CNTNAP2: variants seen among roughly 807,000 people sequenced by gnomAD.
CNTNAP2 encodes the protein contactin-associated protein-like 2.
Under a neutral mutation model 155.2 loss-of-function variants are expected in CNTNAP2, and 98 were observed. The ratio of observed to expected loss-of-function variants is 0.63; its 90% CI spans 0.54 to 0.75. The LOEUF is 0.75. CNTNAP2 is among the 30% of genes least tolerant of loss of function. The pLI is 0.00. For synonymous variants in CNTNAP2, 651 were observed against 631.2 expected (o/e 1.03, Z -0.47); for missense variants, 1,727 against 1,688.1 (o/e 1.02, Z -0.40).
At chr7:148,290,745 C>T (rs1346890636) in intron 21 of CNTNAP2, among the ~76,000 whole-genome samples, 2 of 152,156 alleles carry the variant, frequency 1.3e-5, no homozygotes, top group Non-Finnish European at 2.9e-5. Flanking sequence ...AAATCCATCA[C>T]TCACCCTGGC....
intron 3 of CNTNAP2, among the ~76,000 whole-genome samples, chr7:146,901,078 T>A (rs1795983490): frequency 6.6e-6 from 1 of 151,876 alleles, no homozygotes; most frequent in Non-Finnish European, 1.5e-5. Context: ...TCTCTGGACC[T>A]AAGATGTCAA....
In CNTNAP2 at chr7:148,201,164, C is replaced by G. The variant is rs147243471; in HGVS notation, c.3011-16124C>G. On this transcript the variant is annotated intron_variant, in intron 18 of 23. Transcript: ENST00000361727. Reference sequence around the variant, plus strand: ...CTCAGAATAAAAATAATTACAGAAGCAAAATGTCATTTGGAAAGGGTGTGT... The same window carrying G: ...CTCAGAATAAAAATAATTACAGAAGGAAAATGTCATTTGGAAAGGGTGTGT... Among the ~76,000 whole-genome samples, 300 of 152,266 alleles carry G rather than the reference C, an allele frequency of 2.0e-3. 3 individuals are homozygous for G. The highest frequency in any genetic ancestry group is 6.6e-3 in the African/African-American group (276 of 41,562).
intron 10 of CNTNAP2, among the ~76,000 whole-genome samples, chr7:147,449,488 A>C (rs900513960): frequency 6.6e-6 from 1 of 152,206 alleles, no homozygotes; most frequent in Non-Finnish European, 1.5e-5. Flanking sequence ...ATCCTCTCTC[A>C]GAAGTAGACG....
intron 1 of CNTNAP2, among the ~76,000 whole-genome samples, chr7:146,316,855 C>T (rs1332744222): frequency 1.3e-5 from 2 of 151,918 alleles, no homozygotes; most frequent in African/African-American, 4.8e-5. Flanking sequence ...ATCAGAGGGG[C>T]ACTGCTGCTC....
intron 1 of CNTNAP2, among the ~76,000 whole-genome samples, chr7:146,739,691 G>A (rs1168203523): frequency 6.6e-6 from 1 of 151,944 alleles, no homozygotes; most frequent in Non-Finnish European, 1.5e-5. Context: ...TCAAGTGTAA[G>A]TTTCTTTGTT....
At chr7:147,106,657 ATT>A (rs1385163901) in intron 4 of CNTNAP2, among the ~76,000 whole-genome samples, 2 of 152,190 alleles carry the variant, frequency 1.3e-5, no homozygotes, top group Non-Finnish European at 2.9e-5. Context: ...TAGCATAGAT[ATT>A]TTCAAAGTAT....
chr7:147,207,658 A>G (rs572594084), intron 8 of CNTNAP2, among the ~76,000 whole-genome samples: 11 of 152,248 alleles, frequency 7.2e-5, no homozygotes, highest in East Asian at 1.9e-4. Context: ...ACAAAGTTCT[A>G]TAAGTTTTTT....
chr7:147,563,424 G>A (rs10275049), intron 12 of CNTNAP2, among the ~76,000 whole-genome samples: 67,797 of 151,554 alleles, frequency 0.45, 15,337 homozygotes, highest in East Asian at 0.61. Context: ...AGGTCAAGAG[G>A]TCGAGACCAT....
At chr7:146,847,099 G>A (rs1803856722) in intron 3 of CNTNAP2, among the ~76,000 whole-genome samples, 1 of 143,550 alleles carries the variant, frequency 7.0e-6, no homozygotes, top group Admixed American at 6.7e-5. Flanking sequence ...GGTTACCTGA[G>A]GCTAAATAAC....
intron 1 of CNTNAP2, among the ~76,000 whole-genome samples, chr7:146,288,232 A>G (rs1218819734): frequency 6.7e-6 from 1 of 148,390 alleles, no homozygotes; most frequent in Non-Finnish European, 1.5e-5. Flanking sequence ...TGGGAGGCCG[A>G]GGCTACAGTG....
At chr7:147,394,646 C>T (rs1796779812) in intron 9 of CNTNAP2, among the ~76,000 whole-genome samples, 2 of 151,926 alleles carry the variant, frequency 1.3e-5, no homozygotes, top group East Asian at 1.9e-4. Flanking sequence ...ACAAATTTTC[C>T]ATCCATAATG....
chr7:147,367,743 A>T (rs1194860507), intron 9 of CNTNAP2, among the ~76,000 whole-genome samples: 1 of 152,138 alleles, frequency 6.6e-6, no homozygotes, highest in Non-Finnish European at 1.5e-5. Flanking sequence ...TCCAGTTAAG[A>T]GAATGGTGGG....
chr7:147,781,199 T>C (rs77683630), intron 13 of CNTNAP2, among the ~76,000 whole-genome samples: 1,670 of 152,356 alleles, frequency 0.011, 99 homozygotes, highest in Admixed American at 0.087. Flanking sequence ...TTTCTAATAT[T>C]AGAGGAGCTC....
chr7:146,472,091 T>A (rs1796807541), intron 1 of CNTNAP2, among the ~76,000 whole-genome samples: 1 of 152,248 alleles, frequency 6.6e-6, no homozygotes, highest in African/African-American at 2.4e-5. Context: ...TTTCCTACAT[T>A]ATCGTCATTC....
intron 3 of CNTNAP2, among the ~76,000 whole-genome samples, chr7:147,037,781 G>T (rs531203259): frequency 6.6e-6 from 1 of 152,076 alleles, no homozygotes; most frequent in Non-Finnish European, 1.5e-5. Flanking sequence ...TTAAATAATA[G>T]ATATATACAT....
chr7:146,712,833 T>C (rs1455825713), intron 1 of CNTNAP2, among the ~76,000 whole-genome samples: 1 of 152,078 alleles, frequency 6.6e-6, no homozygotes, highest in South Asian at 2.1e-4. Context: ...GTATTTGCCA[T>C]GAATGACTTC....
At position 148,112,857 on chromosome 7, in the gene CNTNAP2, GT is replaced by G. The variant is rs5888306; in HGVS notation, c.2384-5250del. Among the ~76,000 whole-genome samples the G allele has an allele frequency of 3.5e-3, 519 of 147,694 alleles. 1 individual carries two copies. Among genetic ancestry groups the G allele is most frequent in the African/African-American group, 0.012 (480 of 40,190 alleles). ...TATAAATCAATAAGTAGCTCCAGAG[GT>G]TTTTTTTTTTAAAAAAAAATACAGC... On this transcript the variant is annotated intron_variant, in intron 15 of 23. Transcript: ENST00000361727.
chr7:146,908,208 T>G (rs1458318088), intron 3 of CNTNAP2, among the ~76,000 whole-genome samples: 2 of 152,076 alleles, frequency 1.3e-5, no homozygotes, highest in Non-Finnish European at 2.9e-5. Context: ...AATGGGAGAC[T>G]TTAACACCGC....
chr7:146,834,923 C>T (rs1476747691), intron 2 of CNTNAP2, among the ~76,000 whole-genome samples: 3 of 152,088 alleles, frequency 2.0e-5, no homozygotes, highest in Admixed American at 6.6e-5. Flanking sequence ...TAAACTTCCC[C>T]GAATTGCATT....
Sources: gnomAD v4.1 joint callset for allele counts (sites outside exome capture counted in the v4.1 genomes callset) on GRCh38, gnomAD v4.1.1 for gene constraint, MANE v1.5 for transcripts, NCBI Gene and HGNC (gene_info 2026-07-23, HGNC 2026-07-21) for gene names.